MRPS6: variants seen among roughly 807,000 people sequenced by gnomAD.
MRPS6 encodes the protein mitochondrial ribosomal protein S6.
A neutral mutation model predicts 13.1 loss-of-function variants in MRPS6; 6 were observed. That is an observed-to-expected ratio of 0.46 (90% CI 0.25 to 0.91). The LOEUF (loss-of-function observed/expected upper bound fraction) is 0.91. Among genes scored for constraint, MRPS6 ranks in the 40% least tolerant of loss-of-function variants. The probability of loss-of-function intolerance (pLI) is 0.18; values close to 1 mark genes in which losing one functional copy is unlikely to be tolerated. For missense variants in MRPS6, 164 were observed against 155.6 expected (o/e 1.05, Z -0.29); for synonymous variants, 61 against 56.5 (o/e 1.08, Z -0.36).
chr21:34,133,834 G>A (rs934881781), intron 2 of MRPS6, among the ~76,000 whole-genome samples: 6 of 152,218 alleles, frequency 3.9e-5, no homozygotes, highest in African/African-American at 1.4e-4. Context: ...AAAACTACCT[G>A]CTATAGACTT....
At chr21:34,086,844 C>G (rs538121490) in intron 1 of MRPS6, among the ~76,000 whole-genome samples, 5 of 137,388 alleles carry the variant, frequency 3.6e-5, no homozygotes, top group African/African-American at 1.4e-4. Context: ...GAGGATTCTT[C>G]ATGAGTTGAC....
intron 1 of MRPS6, among the ~76,000 whole-genome samples, chr21:34,079,354 G>A (rs1989406865): frequency 6.6e-6 from 1 of 152,076 alleles, no homozygotes; most frequent in Non-Finnish European, 1.5e-5. Context: ...AGAGTATATA[G>A]ACACAATTTT....
At chr21:34,113,773 A>G (rs765011767) in intron 1 of MRPS6, among the ~76,000 whole-genome samples, 2 of 152,342 alleles carry the variant, frequency 1.3e-5, no homozygotes, top group East Asian at 1.9e-4. Flanking sequence ...CCAGTCCACC[A>G]GGTGATATTT....
rs115103162 is a variant in MRPS6 at position 34,093,541 on chromosome 21, C to T, written c.45+19796C>T. The stretch of plus-strand genomic sequence containing the variant: ...TTTGAACGGTTTTGAGAAGAGGTAG[C>T]TTTAGTATAATTTATAGGACTTAAA... On this transcript the variant is annotated intron_variant, in intron 1 of 2. Coordinates refer to ENST00000399312, the MANE Select transcript of MRPS6 (RefSeq NM_032476.4). Among the ~76,000 whole-genome samples the T allele has an allele frequency of 1.1e-3, 160 of 152,070 alleles. 1 individual carries two copies. Among genetic ancestry groups the T allele is most frequent in the African/African-American group, 3.7e-3 (154 of 41,446 alleles).
rs146501421 is a variant in MRPS6 at position 34,096,269 on chromosome 21, G to T, written c.45+22524G>T. On this transcript the variant is annotated intron_variant, in intron 1 of 2. Transcript: ENST00000399312. This position sits in a 1 kb window ranked among gnomAD's most constrained non-coding sequence, Gnocchi z 5.9. ...TTGCTTACCCACGCCTGGTGATGAA[G>T]CTGGTTCCTGTGGGCCTTCGGGGTT... 152 of 1,614,152 alleles carry T rather than the reference G, an allele frequency of 9.4e-5. No homozygotes were observed. The East Asian group carries it at 2.4e-3, about 26-fold the overall frequency.
chr21:34,106,255 A>T, intron 1 of MRPS6: 3 of 817,224 alleles, frequency 3.7e-6, no homozygotes, highest in Non-Finnish European at 4.5e-6. Flanking sequence ...TAAAATGAAA[A>T]ATTTATATTT....
chr21:34,101,333 C>G, intron 1 of MRPS6: 2 of 999,976 alleles, frequency 2.0e-6, no homozygotes, highest in Non-Finnish European at 1.2e-6. Flanking sequence ...CTTTTTAAAC[C>G]CTGGTTTGAT....
At chr21:34,116,754 T>C (rs551342856) in intron 1 of MRPS6, among the ~76,000 whole-genome samples, 1 of 152,250 alleles carries the variant, frequency 6.6e-6, no homozygotes, top group South Asian at 2.1e-4. Flanking sequence ...GCTGAAAACA[T>C]GGAGCAAACA....
At chr21:34,106,161 A>T (rs2148663321) in intron 1 of MRPS6, 1 of 991,412 alleles carries the variant, frequency 1.0e-6, no homozygotes, top group African/African-American at 1.7e-5. Flanking sequence ...TGCAAAGTAC[A>T]TTCCTTTCTG....
At chr21:34,104,138 A>G (rs1379256092) in intron 1 of MRPS6, 1 of 999,756 alleles carries the variant, frequency 1.0e-6, no homozygotes, top group Admixed American at 6.2e-5. Context: ...TTTTTCCTAT[A>G]CTTGACTGTG....
intron 1 of MRPS6, among the ~76,000 whole-genome samples, chr21:34,081,162 GTTTTACAAGGATC>G (rs1006697995): frequency 6.6e-6 from 1 of 152,114 alleles, no homozygotes; most frequent in African/African-American, 2.4e-5. Flanking sequence ...TATGTGGAGT[GTTTTACAAGGATC>G]TTTTAAACTT....
rs959497893 is a variant in MRPS6, at chr21:34,100,849, A to G, written c.46-24492A>G. On this transcript the variant is annotated intron_variant, in intron 1 of 2. Transcript: ENST00000399312. Reference sequence around the variant, plus strand: ...GGCCTGTGGGTTATTTTCATTCTTTACCACCAAATAAAGCGGCTTATTAGC... The same window carrying G: ...GGCCTGTGGGTTATTTTCATTCTTTGCCACCAAATAAAGCGGCTTATTAGC... The G allele has an allele frequency of 1.8e-5, 18 of 1,000,108 alleles. No homozygotes were observed. In the South Asian group the frequency reaches 3.8e-4, roughly 21 times the overall value. The allele number at this position is 1,000,108 out of a possible 1,614,324, so 62.0% of individuals were successfully genotyped here.
chr21:34,138,556 C>T (rs1170996986), intron 2 of MRPS6, among the ~76,000 whole-genome samples: 1 of 151,888 alleles, frequency 6.6e-6, no homozygotes, highest in Non-Finnish European at 1.5e-5. Flanking sequence ...CAAAAGAAGA[C>T]ATTTATGCAG....
chr21:34,140,309 T>C (rs2123278859), intron 2 of MRPS6, among the ~76,000 whole-genome samples: 1 of 152,322 alleles, frequency 6.6e-6, no homozygotes. Context: ...TTTTGATTTG[T>C]AGCATTTTCT....
chr21:34,090,250 C>T (rs970644329), intron 1 of MRPS6, among the ~76,000 whole-genome samples: 2 of 152,194 alleles, frequency 1.3e-5, no homozygotes, highest in African/African-American at 4.8e-5. Flanking sequence ...CTACAGTATC[C>T]TTGCTCCACA....
At chr21:34,126,851 A>G (rs1031001669) in intron 2 of MRPS6, among the ~76,000 whole-genome samples, 1 of 152,172 alleles carries the variant, frequency 6.6e-6, no homozygotes, top group African/African-American at 2.4e-5. Flanking sequence ...TAGGATCTGC[A>G]CTAACACGTA....
chr21:34,100,560 C>T, intron 1 of MRPS6: 1 of 1,000,222 alleles, frequency 1.0e-6, no homozygotes, highest in Non-Finnish European at 1.2e-6. Context: ...TGTATTTTGG[C>T]ACAAAGAGCC....
intron 2 of MRPS6, among the ~76,000 whole-genome samples, chr21:34,137,783 T>C: frequency 7.3e-6 from 1 of 136,074 alleles, no homozygotes; most frequent in South Asian, 2.5e-4. Flanking sequence ...TTTGCTGAGA[T>C]TTTTTTTTTT....
chr21:34,075,671 T>C (rs912728765), intron 1 of MRPS6, among the ~76,000 whole-genome samples: 6 of 152,228 alleles, frequency 3.9e-5, no homozygotes, highest in Non-Finnish European at 5.9e-5. Context: ...GAAGTTATGT[T>C]GAGGAGATCC....
Sources: gnomAD v4.1 joint callset for allele counts (sites outside exome capture counted in the v4.1 genomes callset) on GRCh38, gnomAD v4.1.1 for gene constraint, Gnocchi (gnomAD v3.1) non-coding constraint, MANE v1.5 for transcripts, NCBI Gene and HGNC (gene_info 2026-07-23, HGNC 2026-07-21) for gene names.